Variants in ESRRG observed in about 807,000 individuals in gnomAD.
ESRRG encodes the protein estrogen related receptor gamma, also known as estrogen-related receptor gamma.
ESRRG carries 13 observed loss-of-function variants against 44.0 expected under a neutral mutation model. The observed-to-expected ratio is 0.30, with a 90% CI of 0.19 to 0.47. The LOEUF is 0.47. Ranked by LOEUF, ESRRG falls within the 20% of genes least tolerant of loss-of-function variation. The probability of loss-of-function intolerance (pLI) is 1.00; values close to 1 mark genes in which losing one functional copy is unlikely to be tolerated. For missense variants in ESRRG, 395 were observed against 580.6 expected, an observed-to-expected ratio of 0.68 and a Z score of 3.29; for synonymous variants, 215 against 214.6, an observed-to-expected ratio of 1.00 and a Z score of -0.02.
chr1:216,854,727 C>A (rs1283208029), intron 2 of ESRRG, among the ~76,000 whole-genome samples: 2 of 152,074 alleles, frequency 1.3e-5, no homozygotes, highest in African/African-American at 4.8e-5. Flanking sequence ...AAAAAAGTAG[C>A]TCACTTTCTC....
chr1:216,634,997 G>GCT (rs985466473), intron 3 of ESRRG, among the ~76,000 whole-genome samples: 7 of 148,014 alleles, frequency 4.7e-5, no homozygotes, highest in South Asian at 2.1e-4. Flanking sequence ...TTTTTTCTTT[G>GCT]CTCTCTCTCT....
At chr1:217,075,057 G>A (rs558539040) in intron 1 of ESRRG, among the ~76,000 whole-genome samples, 54 of 152,136 alleles carry the variant, frequency 3.5e-4, no homozygotes, top group Non-Finnish European at 6.6e-4. Context: ...CAGCCCTGCT[G>A]AACCCACGTA....
intron 1 of ESRRG, 39 bp downstream of exon 1, chr1:216,723,205 C>A (rs181465596): frequency 7.8e-5 from 122 of 1,565,074 alleles, no homozygotes; most frequent in Admixed American, 7.0e-4. Flanking sequence ...CCCCGCACCC[C>A]CACGACGAGT....
chr1:216,620,371 A>G (rs892073950), intron 3 of ESRRG, among the ~76,000 whole-genome samples: 4 of 152,204 alleles, frequency 2.6e-5, no homozygotes, highest in Non-Finnish European at 5.9e-5. Flanking sequence ...AGACCCGTCC[A>G]CCACCACAGG....
intron 2 of ESRRG, among the ~76,000 whole-genome samples, chr1:216,827,849 T>A (rs2118151): frequency 0.77 from 116,909 of 152,062 alleles, 45,158 homozygotes; most frequent in African/African-American, 0.84. Flanking sequence ...AGTAAGCTTA[T>A]TTCCAAATAG....
At chr1:216,562,061 C>T (rs776356587) in intron 5 of ESRRG, among the ~76,000 whole-genome samples, 24 of 152,148 alleles carry the variant, frequency 1.6e-4, no homozygotes, top group Non-Finnish European at 3.5e-4. Context: ...ACAGTCGGAC[C>T]TACATATTTA....
At chr1:216,629,877 T>A (rs541058863) in intron 3 of ESRRG, among the ~76,000 whole-genome samples, 1 of 152,246 alleles carries the variant, frequency 6.6e-6, no homozygotes, top group South Asian at 2.1e-4. Context: ...AGTTTACAAT[T>A]CCTCTCATCT....
intron 3 of ESRRG, among the ~76,000 whole-genome samples, chr1:216,614,020 A>C (rs2061043777): frequency 6.6e-6 from 1 of 152,216 alleles, no homozygotes; most frequent in Admixed American, 6.5e-5. Flanking sequence ...ACTAAATTGT[A>C]AGTCCCTTCT....
At chr1:216,725,274 A>T (rs1441017715), upstream of ESRRG, among the ~76,000 whole-genome samples, 1 of 152,150 alleles carries the variant, frequency 6.6e-6, no homozygotes, top group African/African-American at 2.4e-5. Flanking sequence ...TGTGCCTCAG[A>T]ATACTGTATA....
chr1:216,632,536 C>A (rs1359164990), intron 3 of ESRRG, among the ~76,000 whole-genome samples: 1 of 152,030 alleles, frequency 6.6e-6, no homozygotes, highest in Non-Finnish European at 1.5e-5. Flanking sequence ...GTTTTCTTAA[C>A]TAAAAATTAA....
chr1:216,568,024 G>T lies in ESRRG; in HGVS notation c.664C>A (p.Leu222Met). Reference sequence around the variant, plus strand: ...GCTGGCTGAACCAGCTGAGGGTTCAGGTATGGGCTGTTCTCCGCATCTATC... The same window carrying T: ...GCTGGCTGAACCAGCTGAGGGTTCATGTATGGGCTGTTCTCCGCATCTATC... ...RRIDAENSPYLNPQLVQPAKK... is the reference protein window; with the variant it reads ...RRIDAENSPYMNPQLVQPAKK... Residue 222 changes from leucine (L) to methionine (M), a missense_variant, in exon 4 of 7, where the codon CTG becomes ATG. Physicochemically the swap from Leu to Met is conservative, Grantham distance 15. This residue lies in a region of ESRRG where 37 missense variants were observed against 32.9 expected (regional missense o/e 1.13). Transcript: ENST00000408911. 1 of 1,613,750 alleles carries T rather than the reference G, an allele frequency of 6.2e-7. No individual in the cohort carries two copies. The highest frequency in any genetic ancestry group is 8.5e-7 in the Non-Finnish European group (1 of 1,179,718).
chr1:216,990,366 T>C (rs2075498853), intron 1 of ESRRG, among the ~76,000 whole-genome samples: 1 of 152,240 alleles, frequency 6.6e-6, no homozygotes. Flanking sequence ...ACTTTAAAAA[T>C]AATCAATGCA....
At chr1:217,013,119 G>A (rs2078871937) in intron 1 of ESRRG, among the ~76,000 whole-genome samples, 1 of 152,186 alleles carries the variant, frequency 6.6e-6, no homozygotes, top group African/African-American at 2.4e-5. Context: ...ATTTGAACTT[G>A]ATTACCTCTG....
At chr1:217,120,933 G>A (rs12131437) in intron 1 of ESRRG, among the ~76,000 whole-genome samples, 6,110 of 152,148 alleles carry the variant, frequency 0.04, 170 homozygotes, top group African/African-American at 0.072. Context: ...GCTCCACATG[G>A]GCAAGGACCA....
At chr1:216,598,116 G>A (rs2058696433) in intron 3 of ESRRG, among the ~76,000 whole-genome samples, 1 of 152,140 alleles carries the variant, frequency 6.6e-6, no homozygotes. Context: ...AGGAATGGAA[G>A]GGCATCTTTG....
At chr1:216,942,554 T>C (rs2377265) in intron 1 of ESRRG, among the ~76,000 whole-genome samples, 99,839 of 152,044 alleles carry the variant, frequency 0.66, 35,067 homozygotes, top group Middle Eastern at 0.81. Context: ...TTTCCTTTTC[T>C]CCACAACCCC....
intron 1 of ESRRG, among the ~76,000 whole-genome samples, chr1:217,068,184 G>A (rs2090043180): frequency 6.6e-6 from 1 of 152,114 alleles, no homozygotes. Context: ...GAAAGCCTGA[G>A]GACCCAGGAG....
intron 1 of ESRRG, among the ~76,000 whole-genome samples, chr1:217,119,747 G>A (rs551835717): frequency 5.1e-4 from 77 of 152,296 alleles, no homozygotes; most frequent in Non-Finnish European, 9.0e-4. Context: ...GAAAGTAAAT[G>A]TAAACTTAAG....
rs192923927 is a variant in ESRRG at position 216,778,392 on chromosome 1, G to A, written c.-13-100901C>T. ...ATAATTCCTGGGGAGGGACTCAACT[G>A]TGAACCATCACTTTTGGTAGCAGAG... On this transcript the variant is annotated intron_variant, in intron 2 of 7. Coordinates refer to the ESRRG transcript ENST00000359162. Among the ~76,000 whole-genome samples, 21 of 152,116 alleles carry A rather than the reference G, an allele frequency of 1.4e-4. No homozygotes were observed. The South Asian group carries it at 1.9e-3, about 14-fold the overall frequency.
Sources: gnomAD v4.1 joint callset for allele counts (sites outside exome capture counted in the v4.1 genomes callset) on GRCh38, gnomAD v4.1.1 for gene constraint, gnomAD v4.1.1 regional missense constraint, MANE v1.5 for transcripts, NCBI Gene and HGNC (gene_info 2026-07-23, HGNC 2026-07-21) for gene names.